SRGAP1: variants seen among roughly 807,000 people sequenced by gnomAD.
SRGAP1 encodes SLIT-ROBO Rho GTPase-activating protein 1.
SRGAP1 carries 43 observed loss-of-function variants against 121.9 expected under a neutral mutation model. That is an observed-to-expected ratio of 0.35 (90% CI 0.28 to 0.46). The LOEUF is 0.46. Ranked by LOEUF, SRGAP1 falls within the 20% of genes least tolerant of loss-of-function variation. The probability of loss-of-function intolerance (pLI) is 1.00; values close to 1 mark genes in which losing one functional copy is unlikely to be tolerated. For synonymous variants in SRGAP1, 447 were observed against 485.4 expected (o/e 0.92, Z 1.04); for missense variants, 1,102 against 1,350.9 (o/e 0.82, Z 2.89).
intron 12 of SRGAP1, among the ~76,000 whole-genome samples, chr12:64,094,467 C>T (rs2036115982): frequency 2.0e-5 from 3 of 152,096 alleles, no homozygotes; most frequent in South Asian, 2.1e-4. Flanking sequence ...TAACAATTCT[C>T]ATATTATGCA....
intron 12 of SRGAP1, among the ~76,000 whole-genome samples, chr12:64,092,635 A>T (rs2136586208): frequency 6.6e-6 from 1 of 152,228 alleles, no homozygotes; most frequent in African/African-American, 2.4e-5. Context: ...GAAGAACCTT[A>T]TTGGCTCTAA....
At chr12:63,898,020 T>C (rs999046016) in intron 1 of SRGAP1, among the ~76,000 whole-genome samples, 6 of 152,220 alleles carry the variant, frequency 3.9e-5, no homozygotes, top group Non-Finnish European at 5.9e-5. Flanking sequence ...CACAGCTGCT[T>C]CACTGTGATA....
At chr12:63,857,946 T>G (rs1899310486) in intron 1 of SRGAP1, among the ~76,000 whole-genome samples, 1 of 152,220 alleles carries the variant, frequency 6.6e-6, no homozygotes, top group African/African-American at 2.4e-5. Flanking sequence ...GAATGATGGT[T>G]GTTTTCAGTT....
intron 1 of SRGAP1, among the ~76,000 whole-genome samples, chr12:63,920,154 A>G (rs1242115697): frequency 6.6e-6 from 1 of 152,194 alleles, no homozygotes; most frequent in African/African-American, 2.4e-5. Context: ...CCCACTTTTT[A>G]TCAGCACGTG....
chr12:63,938,576 C>T (rs970390082), intron 1 of SRGAP1, among the ~76,000 whole-genome samples: 3 of 152,042 alleles, frequency 2.0e-5, no homozygotes, highest in Non-Finnish European at 4.4e-5. Context: ...CCTTTCTAGG[C>T]AATATTGTCC....
At chr12:63,957,163 C>T (rs367632571) in intron 1 of SRGAP1, among the ~76,000 whole-genome samples, 5 of 152,248 alleles carry the variant, frequency 3.3e-5, no homozygotes, top group African/African-American at 7.2e-5. Context: ...ATATGAATAA[C>T]GCTGCTGTAA....
At chr12:64,116,295 A>G (rs1021900132) in intron 18 of SRGAP1, among the ~76,000 whole-genome samples, 1 of 151,462 alleles carries the variant, frequency 6.6e-6, no homozygotes, top group South Asian at 2.1e-4. Flanking sequence ...AAAAAAATTC[A>G]TAAAATATGT....
At chr12:64,005,421 T>C (rs954445974) in intron 3 of SRGAP1, among the ~76,000 whole-genome samples, 8 of 152,112 alleles carry the variant, frequency 5.3e-5, no homozygotes, top group African/African-American at 1.9e-4. Flanking sequence ...GGTGGGAGGA[T>C]TGCTTGAGGC....
At chr12:64,011,992 C>G (rs757613791) in intron 3 of SRGAP1, among the ~76,000 whole-genome samples, 8 of 152,108 alleles carry the variant, frequency 5.3e-5, no homozygotes, top group Non-Finnish European at 1.2e-4. Context: ...CCCAGCTACT[C>G]AGGAGGCTGA....
intron 1 of SRGAP1, among the ~76,000 whole-genome samples, chr12:63,944,065 G>C (rs190212724): frequency 1.3e-5 from 2 of 152,292 alleles, no homozygotes; most frequent in African/African-American, 4.8e-5. Flanking sequence ...TGGGTAGCAA[G>C]CATTTGTCTC....
At chr12:63,988,258 G>T (rs1593008830) in intron 2 of SRGAP1, among the ~76,000 whole-genome samples, 1 of 152,174 alleles carries the variant, frequency 6.6e-6, no homozygotes, top group Non-Finnish European at 1.5e-5. Context: ...TGTTCTGAAA[G>T]AATTTGTGGG....
At chr12:64,041,359 TTTTATTTATTTA>T (rs537809038) in intron 4 of SRGAP1, among the ~76,000 whole-genome samples, 28 of 85,808 alleles carry the variant, frequency 3.3e-4, no homozygotes, top group Middle Eastern at 6.7e-3. Context: ...TGGCATTTTA[TTTTATTTATTTA>T]TTTATTTATT....
At chr12:64,048,251 T>A (rs1326483186) in intron 6 of SRGAP1, among the ~76,000 whole-genome samples, 2 of 152,190 alleles carry the variant, frequency 1.3e-5, no homozygotes, top group African/African-American at 2.4e-5. Context: ...GTGAAGTTTG[T>A]CTTTCTGTGC....
chr12:64,041,875 A>ATATTAT (rs10689107), intron 4 of SRGAP1, among the ~76,000 whole-genome samples: 4,739 of 138,548 alleles, frequency 0.034, 120 homozygotes, highest in African/African-American at 0.07. Context: ...ATTTTCTTTT[A>ATATTAT]TATTATTATT....
intron 17 of SRGAP1, among the ~76,000 whole-genome samples, chr12:64,115,293 C>CT (rs1237201755): frequency 6.6e-6 from 1 of 152,122 alleles, no homozygotes; most frequent in Non-Finnish European, 1.5e-5. Flanking sequence ...TAACTTCTGT[C>CT]TTTATAGAGT....
At chr12:64,088,722 T>C (rs2035992278) in intron 11 of SRGAP1, among the ~76,000 whole-genome samples, 2 of 152,202 alleles carry the variant, frequency 1.3e-5, no homozygotes, top group Admixed American at 1.3e-4. Context: ...TTGCATGCGT[T>C]CATATTTACC....
chr12:63,855,271 G>T (rs1360655351), intron 1 of SRGAP1, among the ~76,000 whole-genome samples: 1 of 152,014 alleles, frequency 6.6e-6, no homozygotes, highest in Non-Finnish European at 1.5e-5. Context: ...CATGTCCACG[G>T]TTTTCAAACC....
intron 1 of SRGAP1, among the ~76,000 whole-genome samples, chr12:63,951,993 A>C (rs1011118489): frequency 1.3e-5 from 2 of 152,116 alleles, no homozygotes; most frequent in African/African-American, 2.4e-5. Context: ...AAAATATGTA[A>C]TAGAGAGTAG....
chr12:63,847,252 G>A (rs1031732110), intron 1 of SRGAP1, among the ~76,000 whole-genome samples: 1 of 152,154 alleles, frequency 6.6e-6, no homozygotes, highest in African/African-American at 2.4e-5. Flanking sequence ...GAACCCAGGA[G>A]GCAGAGGTTA....
Sources: gnomAD v4.1 joint callset for allele counts (sites outside exome capture counted in the v4.1 genomes callset) on GRCh38, gnomAD v4.1.1 for gene constraint, MANE v1.5 for transcripts, NCBI Gene and HGNC (gene_info 2026-07-23, HGNC 2026-07-21) for gene names.